FHIT: variants seen among roughly 807,000 people sequenced by gnomAD.
The protein encoded by FHIT is bis(5'-adenosyl)-triphosphatase.
A neutral mutation model predicts 17.9 loss-of-function variants in FHIT; 19 were observed. The ratio of observed to expected loss-of-function variants is 1.06; its 90% CI spans 0.74 to 1.56. The LOEUF (loss-of-function observed/expected upper bound fraction) is 1.56. Among genes scored for constraint, FHIT ranks in the 40% most tolerant of loss-of-function variants. The pLI, the probability that FHIT is intolerant of heterozygous loss-of-function variation, is 0.00. For synonymous variants in FHIT, 81 were observed against 69.7 expected, an observed-to-expected ratio of 1.16 and a Z score of -0.81; for missense variants, 248 against 189.2, an observed-to-expected ratio of 1.31 and a Z score of -1.82.
chr3:59,802,066 A>G (rs1363666147), intron 8 of FHIT, among the ~76,000 whole-genome samples: 1 of 152,214 alleles, frequency 6.6e-6, no homozygotes, highest in Non-Finnish European at 1.5e-5. Flanking sequence ...TTGGTGTAGT[A>G]TATGCCACAG....
chr3:60,073,844 T>C (rs1372670387), intron 5 of FHIT, among the ~76,000 whole-genome samples: 4 of 152,144 alleles, frequency 2.6e-5, no homozygotes, highest in Non-Finnish European at 5.9e-5. Context: ...GATTTTACAA[T>C]ATAAACACTG....
chr3:59,868,180 T>C (rs910746488), intron 8 of FHIT, among the ~76,000 whole-genome samples: 1 of 152,074 alleles, frequency 6.6e-6, no homozygotes, highest in African/African-American at 2.4e-5. Flanking sequence ...TCACCAAGTG[T>C]ACCTTCTTTC....
chr3:61,001,690 T>A (rs1349425663), intron 3 of FHIT, among the ~76,000 whole-genome samples: 1 of 152,206 alleles, frequency 6.6e-6, no homozygotes, highest in Non-Finnish European at 1.5e-5. Context: ...AGGGGTAGCA[T>A]GAGGGAGTCT....
At chr3:59,752,565 T>C (rs994127876) in intron 8 of FHIT, among the ~76,000 whole-genome samples, 2 of 152,184 alleles carry the variant, frequency 1.3e-5, no homozygotes, top group Non-Finnish European at 2.9e-5. Flanking sequence ...TGATATGATA[T>C]AGGTCTGTGT....
At chr3:60,395,332 G>A (rs1279103237) in intron 5 of FHIT, among the ~76,000 whole-genome samples, 1 of 152,134 alleles carries the variant, frequency 6.6e-6, no homozygotes, top group Admixed American at 6.6e-5. Flanking sequence ...ATTAAGCCAT[G>A]ATTATCTCCC....
intron 4 of FHIT, among the ~76,000 whole-genome samples, chr3:60,611,196 A>G (rs1156608182): frequency 6.6e-6 from 1 of 152,186 alleles, no homozygotes; most frequent in African/African-American, 2.4e-5. Flanking sequence ...GGGGGTGCCA[A>G]GCATGGGCTA....
At chr3:61,046,386 C>A (rs2107705648) in intron 2 of FHIT, among the ~76,000 whole-genome samples, 1 of 152,274 alleles carries the variant, frequency 6.6e-6, no homozygotes, top group East Asian at 1.9e-4. Context: ...ACTAGAAACT[C>A]TAGAAGAAAT....
chr3:59,853,772 T>G (rs1702036721), intron 8 of FHIT, among the ~76,000 whole-genome samples: 1 of 152,188 alleles, frequency 6.6e-6, no homozygotes, highest in African/African-American at 2.4e-5. Flanking sequence ...CATGCCATGT[T>G]GGAACTTCCC....
chr3:59,993,518 A>T (rs895128801), intron 7 of FHIT, among the ~76,000 whole-genome samples: 1 of 152,016 alleles, frequency 6.6e-6, no homozygotes, highest in East Asian at 1.9e-4. Flanking sequence ...ATTGGCAAAC[A>T]GCCTCTCTAC....
intron 4 of FHIT, among the ~76,000 whole-genome samples, chr3:60,676,100 A>T (rs2040615551): frequency 6.6e-6 from 1 of 152,348 alleles, no homozygotes; most frequent in Non-Finnish European, 1.5e-5. Flanking sequence ...ATTTAAGAGA[A>T]GCAAATGGGA....
intron 4 of FHIT, among the ~76,000 whole-genome samples, chr3:60,802,170 T>C (rs186297437): frequency 1.7e-4 from 26 of 152,348 alleles, no homozygotes; most frequent in African/African-American, 6.0e-4. Context: ...GTAATTGGCA[T>C]ATTCTAGACC....
chr3:61,022,126 A>C (rs58480069), intron 3 of FHIT, among the ~76,000 whole-genome samples: 3,065 of 152,304 alleles, frequency 0.02, 67 homozygotes, highest in African/African-American at 0.048. Context: ...AAAAGAGAGA[A>C]GAATCAAATA....
intron 4 of FHIT, among the ~76,000 whole-genome samples, chr3:60,701,040 T>C (rs2041233255): frequency 6.6e-6 from 1 of 152,128 alleles, no homozygotes; most frequent in Admixed American, 6.5e-5. Context: ...TGGTCTAACA[T>C]TTACAACTTA....
chr3:61,063,865 G>T (rs1284362026), intron 2 of FHIT, among the ~76,000 whole-genome samples: 1 of 152,146 alleles, frequency 6.6e-6, no homozygotes, highest in Non-Finnish European at 1.5e-5. Flanking sequence ...TGATTTCAAT[G>T]TCATGTTTAA....
chr3:61,179,266 C>A (rs945813436), intron 2 of FHIT, among the ~76,000 whole-genome samples: 7 of 152,096 alleles, frequency 4.6e-5, no homozygotes, highest in African/African-American at 1.4e-4. Flanking sequence ...CCTCGGCCTC[C>A]CGAAGTGCTG....
At chr3:59,829,092 C>T (rs759617011) in intron 8 of FHIT, among the ~76,000 whole-genome samples, 6 of 151,990 alleles carry the variant, frequency 3.9e-5, no homozygotes, top group Non-Finnish European at 7.4e-5. Flanking sequence ...CATTGGGTAC[C>T]AAAAGAAAGT....
intron 4 of FHIT, among the ~76,000 whole-genome samples, chr3:60,582,522 A>C (rs1156960044): frequency 7.2e-5 from 11 of 152,110 alleles, no homozygotes; most frequent in African/African-American, 2.7e-4. Context: ...ATGAATGCGG[A>C]TACAACCTTC....
At chr3:59,990,284 G>A (rs1206879768) in intron 7 of FHIT, among the ~76,000 whole-genome samples, 2 of 151,942 alleles carry the variant, frequency 1.3e-5, no homozygotes, top group Non-Finnish European at 2.9e-5. Context: ...TGAGAGTGAG[G>A]GGAATGATCT....
chr3:60,597,240 C>A (rs2038299698), intron 4 of FHIT, among the ~76,000 whole-genome samples: 1 of 152,122 alleles, frequency 6.6e-6, no homozygotes, highest in Admixed American at 6.6e-5. Context: ...AACCCTGCCT[C>A]CCTAGAGCCC....
Sources: gnomAD v4.1 joint callset for allele counts (sites outside exome capture counted in the v4.1 genomes callset) on GRCh38, gnomAD v4.1.1 for gene constraint, MANE v1.5 for transcripts, NCBI Gene and HGNC (gene_info 2026-07-23, HGNC 2026-07-21) for gene names.